Variants in ZNF438 observed in about 807,000 individuals in gnomAD.
ZNF438 encodes zinc finger protein 438.
Under a neutral mutation model 38.0 loss-of-function variants are expected in ZNF438, and 25 were observed. That is an observed-to-expected ratio of 0.66 (90% CI 0.48 to 0.92). ZNF438 has a LOEUF of 0.92. ZNF438 is among the 40% of genes least tolerant of loss of function. The probability of loss-of-function intolerance (pLI) is 0.00; values close to 1 mark genes in which losing one functional copy is unlikely to be tolerated. For missense variants in ZNF438, 1,007 were observed against 999.6 expected (o/e 1.01, Z -0.10); for synonymous variants, 372 against 364.1 (o/e 1.02, Z -0.25).
At chr10:30,994,847 A>C (rs183649964) in intron 1 of ZNF438, among the ~76,000 whole-genome samples, 1 of 152,164 alleles carries the variant, frequency 6.6e-6, no homozygotes, top group Non-Finnish European at 1.5e-5. Flanking sequence ...CCTAGGAAAC[A>C]TGGTGAGACC....
exon 6 of ZNF438, chr10:30,845,123 G>GGGA: frequency 1.2e-6 from 2 of 1,614,208 alleles, no homozygotes; most frequent in Non-Finnish European, 1.7e-6. Flanking sequence ...GGCAGTTAAA[G>GGGA]CCTGAATGGG....
intron 1 of ZNF438, among the ~76,000 whole-genome samples, chr10:30,991,132 A>G (rs545786133): frequency 6.6e-6 from 1 of 152,290 alleles, no homozygotes; most frequent in Admixed American, 6.5e-5. Flanking sequence ...GCTCTGACTT[A>G]TGTCTTAGTC....
intron 3 of ZNF438, among the ~76,000 whole-genome samples, chr10:30,894,610 G>A (rs1290257984): frequency 1.3e-5 from 2 of 152,094 alleles, no homozygotes; most frequent in African/African-American, 4.8e-5. Context: ...CAACATCTGT[G>A]TAGAACTAAC....
At chr10:30,999,684 G>C (rs991862547) in intron 1 of ZNF438, among the ~76,000 whole-genome samples, 2 of 152,184 alleles carry the variant, frequency 1.3e-5, no homozygotes, top group Non-Finnish European at 2.9e-5. Flanking sequence ...GTTAAGGTCA[G>C]AAGACTGCCT....
chr10:31,011,296 A>T (rs1308689304), intron 1 of ZNF438, among the ~76,000 whole-genome samples: 1 of 152,232 alleles, frequency 6.6e-6, no homozygotes, highest in African/African-American at 2.4e-5. Flanking sequence ...TTTGGAGGTC[A>T]GAGTACAACT....
intron 1 of ZNF438, among the ~76,000 whole-genome samples, chr10:31,019,238 T>C (rs1223416813): frequency 6.6e-6 from 1 of 152,184 alleles, no homozygotes; most frequent in Admixed American, 6.5e-5. Context: ...ACCAAAGTCC[T>C]CACAATGACC....
intron 4 of ZNF438, among the ~76,000 whole-genome samples, chr10:30,855,930 A>G (rs975899635): frequency 2.6e-5 from 4 of 152,228 alleles, no homozygotes; most frequent in African/African-American, 4.8e-5. Context: ...CAGGAATGGG[A>G]TAAGTGCTAA....
At chr10:30,903,725 A>G (rs1452530714) in intron 3 of ZNF438, among the ~76,000 whole-genome samples, 5 of 152,218 alleles carry the variant, frequency 3.3e-5, no homozygotes, top group Non-Finnish European at 7.3e-5. Context: ...CTCCCAAGGA[A>G]AATATAGCCA....
At chr10:30,872,749 C>CAAAAAA (rs10633045) in intron 4 of ZNF438, among the ~76,000 whole-genome samples, 1,578 of 88,422 alleles carry the variant, frequency 0.018, 56 homozygotes, top group South Asian at 0.034. Flanking sequence ...GACTCTGTCT[C>CAAAAAA]AAAAAAAAAA....
chr10:30,921,952 C>T (rs933114272), intron 2 of ZNF438, among the ~76,000 whole-genome samples: 3 of 152,056 alleles, frequency 2.0e-5, no homozygotes, highest in Non-Finnish European at 4.4e-5. Flanking sequence ...GTTCCAAAAA[C>T]GGGGAAAAAT....
intron 1 of ZNF438, among the ~76,000 whole-genome samples, chr10:31,010,885 C>A: frequency 9.8e-6 from 1 of 101,778 alleles, no homozygotes; most frequent in African/African-American, 5.3e-5. Flanking sequence ...GAAGTGAGAC[C>A]CTGTTTGAAA....
At chr10:31,006,635 C>T (rs992987966) in intron 1 of ZNF438, among the ~76,000 whole-genome samples, 1 of 152,030 alleles carries the variant, frequency 6.6e-6, no homozygotes, top group African/African-American at 2.4e-5. Context: ...GTCAGAAGCA[C>T]AGGTAGAGCC....
At chr10:30,968,999 T>C (rs1331055737) in intron 1 of ZNF438, among the ~76,000 whole-genome samples, 1 of 152,088 alleles carries the variant, frequency 6.6e-6, no homozygotes, top group East Asian at 1.9e-4. Context: ...GGGCATGGGT[T>C]AGGGTAACAA....
At chr10:30,937,037 A>C (rs1213733183) in intron 2 of ZNF438, among the ~76,000 whole-genome samples, 4 of 152,154 alleles carry the variant, frequency 2.6e-5, no homozygotes, top group African/African-American at 9.7e-5. Flanking sequence ...CCAGAAGCAA[A>C]AGAACCACCA....
intron 4 of ZNF438, among the ~76,000 whole-genome samples, chr10:30,871,057 T>C (rs2037332482): frequency 6.6e-6 from 1 of 152,016 alleles, no homozygotes; most frequent in African/African-American, 2.4e-5. Context: ...CTTAAGAAAA[T>C]AGCTTTCATA....
rs369620987 is a variant in ZNF438, at chr10:30,862,091, A to G, written c.38-11724T>C. Among the ~76,000 whole-genome samples, 5 of 152,314 alleles carry G rather than the reference A, an allele frequency of 3.3e-5. No individual in the cohort carries two copies. The East Asian group carries it at 9.6e-4, about 29-fold the overall frequency. On this transcript the variant is annotated intron_variant, in intron 4 of 5. Transcript: ENST00000413025. Reference sequence around the variant, plus strand: ...ACAACTGAACTCCAACATGGTGAAAAGCAGCAGGTCATTTCATTTGACCTT... The same window carrying G: ...ACAACTGAACTCCAACATGGTGAAAGGCAGCAGGTCATTTCATTTGACCTT...
At chr10:30,850,563 C>T (rs1257010786) in intron 4 of ZNF438, among the ~76,000 whole-genome samples, 196 bp from the exon 6 acceptor site, 1 of 152,204 alleles carries the variant, frequency 6.6e-6, no homozygotes, top group Non-Finnish European at 1.5e-5. Flanking sequence ...GATTTCTATA[C>T]TTATCTATGG....
chr10:30,875,618 G>A (rs926088547), intron 4 of ZNF438: 9 of 966,274 alleles, frequency 9.3e-6, no homozygotes, highest in Non-Finnish European at 1.1e-5. Flanking sequence ...GAACACTCAA[G>A]AAAAACACAT....
chr10:30,852,931 A>G (rs1012564798), intron 4 of ZNF438, among the ~76,000 whole-genome samples: 6 of 151,782 alleles, frequency 4.0e-5, no homozygotes, highest in Non-Finnish European at 8.8e-5. Context: ...TAGCCTTTAA[A>G]TTTAAATGTT....
Sources: allele counts gnomAD v4.1 joint callset (sites outside exome capture counted in the v4.1 genomes callset), GRCh38; gene constraint gnomAD v4.1.1; transcripts MANE v1.5; gene names NCBI Gene and HGNC (gene_info 2026-07-23, HGNC 2026-07-21).